Variants in RGS21 observed in about 807,000 individuals in gnomAD.
RGS21 encodes the protein regulator of G-protein signalling 21.
A neutral mutation model predicts 18.7 loss-of-function variants in RGS21; 19 were observed. The observed-to-expected ratio is 1.01, with a 90% CI of 0.71 to 1.49. The LOEUF (loss-of-function observed/expected upper bound fraction) is 1.49. RGS21 is among the 40% of genes most tolerant of loss of function. RGS21 has a pLI of 0.00. For synonymous variants in RGS21, 56 were observed against 57.8 expected (o/e 0.97, Z 0.14); for missense variants, 194 against 176.8 (o/e 1.10, Z -0.55).
At chr1:192,360,533 G>A (rs371008287) in intron 4 of RGS21, among the ~76,000 whole-genome samples, 3 of 152,088 alleles carry the variant, frequency 2.0e-5, no homozygotes, top group East Asian at 3.9e-4. Flanking sequence ...CTGATCTCCT[G>A]GTGTGGTATC....
At chr1:192,352,982 C>A (rs1422837743) in intron 4 of RGS21, among the ~76,000 whole-genome samples, 1 of 151,950 alleles carries the variant, frequency 6.6e-6, no homozygotes, top group Non-Finnish European at 1.5e-5. Context: ...AAACAAAGAG[C>A]GTTAATGTAT....
intron 3 of RGS21, among the ~76,000 whole-genome samples, chr1:192,348,166 C>G (rs559981772): frequency 6.6e-6 from 1 of 151,676 alleles, no homozygotes; most frequent in African/African-American, 2.4e-5. Context: ...GCTGGGACTA[C>G]GGGAGCATGC....
chr1:192,347,177 T>C lies in RGS21; in HGVS notation c.12-136T>C, dbSNP rs918346955. ...TATAGCTAACTACTGTAAATAGCAT[T>C]GTATAATTTTTTGACATTTGGCTGT... On this transcript the variant is annotated intron_variant, in intron 2 of 4. Transcript: ENST00000417209. 5.0e-6 allele frequency: 3 copies of C among 599,172 alleles called. No individual in the cohort carries two copies. The African/African-American group carries it at 5.5e-5, about 11-fold the overall frequency. The allele number at this position is 599,172 out of a possible 1,614,324, so 37.1% of individuals were successfully genotyped here. A position where few individuals can be genotyped will look rare whatever the true frequency, so the allele number is the denominator to read the frequency against.
At chr1:192,317,979 A>T (rs1658442998) in intron 1 of RGS21, among the ~76,000 whole-genome samples, 1 of 152,070 alleles carries the variant, frequency 6.6e-6, no homozygotes, top group African/African-American at 2.4e-5. Context: ...CATGTATTAT[A>T]GTATATGTAT....
chr1:192,358,881 A>G (rs7520486), intron 4 of RGS21, among the ~76,000 whole-genome samples: 48,395 of 152,004 alleles, frequency 0.32, 8,980 homozygotes, highest in African/African-American at 0.5. Context: ...AATCACATGC[A>G]TATTAAAATA....
intron 1 of RGS21, among the ~76,000 whole-genome samples, chr1:192,328,042 A>T (rs886619925): frequency 6.6e-6 from 1 of 152,186 alleles, no homozygotes; most frequent in African/African-American, 2.4e-5. Flanking sequence ...GAGGAGTAAA[A>T]TCCATGTAAT....
intron 4 of RGS21, among the ~76,000 whole-genome samples, chr1:192,361,461 C>T (rs2102238595): frequency 6.6e-6 from 1 of 152,256 alleles, no homozygotes; most frequent in East Asian, 1.9e-4. Flanking sequence ...TCTGTAGTGA[C>T]AAATCTTTCT....
chr1:192,327,462 T>C (rs1345494325), intron 1 of RGS21, among the ~76,000 whole-genome samples: 1 of 152,082 alleles, frequency 6.6e-6, no homozygotes, highest in Non-Finnish European at 1.5e-5. Flanking sequence ...ACATTCTTTT[T>C]TTTTAATTTT....
chr1:192,323,693 T>G (rs1258670989), intron 1 of RGS21, among the ~76,000 whole-genome samples: 1 of 152,076 alleles, frequency 6.6e-6, no homozygotes, highest in Admixed American at 6.6e-5. Context: ...GAAATGATAA[T>G]AAGCTCAGAA....
chr1:192,326,750 C>A (rs1287651254), intron 1 of RGS21, among the ~76,000 whole-genome samples: 1 of 152,128 alleles, frequency 6.6e-6, no homozygotes, highest in African/African-American at 2.4e-5. Flanking sequence ...TTTTCAAACA[C>A]AATATTCTTC....
chr1:192,347,428 T>C (rs375296037), intron 3 of RGS21, 39 bp downstream of exon 3: 1 of 928,222 alleles, frequency 1.1e-6, no homozygotes, highest in South Asian at 1.5e-5. Context: ...ATACAATAAT[T>C]AAATATAAAT....
At chr1:192,359,735 G>A (rs1173729638) in intron 4 of RGS21, among the ~76,000 whole-genome samples, 1 of 142,026 alleles carries the variant, frequency 7.0e-6, no homozygotes, top group African/African-American at 2.6e-5. Context: ...GTTATATATA[G>A]AGAGACAGTT....
chr1:192,359,565 A>T (rs1659154726), intron 4 of RGS21, among the ~76,000 whole-genome samples: 1 of 151,538 alleles, frequency 6.6e-6, no homozygotes, highest in Non-Finnish European at 1.5e-5. Flanking sequence ...TTGGGAGTGC[A>T]GTTCACAGAC....
chr1:192,359,312 G>A (rs560921943), intron 4 of RGS21, among the ~76,000 whole-genome samples: 1 of 151,972 alleles, frequency 6.6e-6, no homozygotes, highest in Non-Finnish European at 1.5e-5. Context: ...CCCACACTCT[G>A]CAGTTCATAG....
At chr1:192,324,624 CACAT>C (rs951869883) in intron 1 of RGS21, among the ~76,000 whole-genome samples, 1 of 150,620 alleles carries the variant, frequency 6.6e-6, no homozygotes, top group Non-Finnish European at 1.5e-5. Flanking sequence ...CACACACACA[CACAT>C]AATTATAAAA....
At chr1:192,353,440 G>A (rs944302107) in intron 4 of RGS21, among the ~76,000 whole-genome samples, 3 of 151,778 alleles carry the variant, frequency 2.0e-5, no homozygotes, top group Non-Finnish European at 2.9e-5. Flanking sequence ...TGAAAATGTT[G>A]CATGTAAGAT....
chr1:192,333,771 T>C (rs1187734184), intron 1 of RGS21, among the ~76,000 whole-genome samples: 1 of 151,994 alleles, frequency 6.6e-6, no homozygotes, highest in East Asian at 1.9e-4. Context: ...TCATTGGTGG[T>C]TATGTAAATC....
At chr1:192,330,073 T>G (rs964971968) in intron 1 of RGS21, among the ~76,000 whole-genome samples, 1 of 152,124 alleles carries the variant, frequency 6.6e-6, no homozygotes. Context: ...AGGTAATAGG[T>G]GTTGAGAAGA....
chr1:192,327,324 A>G (rs1382010389), intron 1 of RGS21, among the ~76,000 whole-genome samples: 2 of 152,186 alleles, frequency 1.3e-5, no homozygotes, highest in Non-Finnish European at 2.9e-5. Context: ...GTGACAACAA[A>G]ATATTCTAGC....
Sources: gnomAD v4.1 joint callset for allele counts (sites outside exome capture counted in the v4.1 genomes callset) on GRCh38, gnomAD v4.1.1 for gene constraint, MANE v1.5 for transcripts, NCBI Gene and HGNC (gene_info 2026-07-23, HGNC 2026-07-21) for gene names.